Variants in ZRANB3 observed in about 807,000 individuals in gnomAD.
The protein encoded by ZRANB3 is zinc finger RANBP2-type containing 3.
Under a neutral mutation model 133.8 loss-of-function variants are expected in ZRANB3, and 125 were observed. That is an observed-to-expected ratio of 0.93 (90% CI 0.81 to 1.08). The LOEUF (loss-of-function observed/expected upper bound fraction) is 1.08, where lower values mean the gene tolerates loss of function less well. ZRANB3 is among the 50% of genes least tolerant of loss of function. The pLI, the probability that ZRANB3 is intolerant of heterozygous loss-of-function variation, is 0.00. For synonymous variants in ZRANB3, 387 were observed against 432.7 expected, an observed-to-expected ratio of 0.89 and a Z score of 1.31; for missense variants, 1,229 against 1,275.5, an observed-to-expected ratio of 0.96 and a Z score of 0.56.
intron 12 of ZRANB3, among the ~76,000 whole-genome samples, chr2:135,259,615 T>C: frequency 6.6e-6 from 1 of 151,934 alleles, no homozygotes; most frequent in East Asian, 1.9e-4. Context: ...ATGGGGTTTC[T>C]CCATATTGGT....
chr2:135,359,092 C>T (rs1685563043), intron 3 of ZRANB3, among the ~76,000 whole-genome samples: 1 of 152,034 alleles, frequency 6.6e-6, no homozygotes, highest in African/African-American at 2.4e-5. Flanking sequence ...TGGGTAGCAT[C>T]ATCAGCCTCG....
Position 135,473,987 on chromosome 2 carries a change from C to T in ZRANB3, c.161+30342G>A, listed in dbSNP as rs111664749. Among the ~76,000 whole-genome samples the T allele has an allele frequency of 3.0e-3, 452 of 152,198 alleles. 3 individuals are homozygous for T. The highest frequency in any genetic ancestry group is 0.01 in the African/African-American group (421 of 41,536). ...ATCAATTGATCTCAGGAGTTTGAGACCAGCCTGTGCAACACAGTGAAACCC... is the reference window on the plus strand; with the variant it reads ...ATCAATTGATCTCAGGAGTTTGAGATCAGCCTGTGCAACACAGTGAAACCC... On this transcript the variant is annotated intron_variant, in intron 2 of 20. Coordinates refer to ENST00000264159, the MANE Select transcript of ZRANB3 (RefSeq NM_032143.4).
intron 13 of ZRANB3, 146 bp from the exon 14 acceptor site, chr2:135,228,161 C>T: frequency 1.5e-6 from 1 of 666,448 alleles, no homozygotes; most frequent in South Asian, 2.2e-5. Flanking sequence ...TACTATATAC[C>T]CAGTACTATT....
intron 2 of ZRANB3, among the ~76,000 whole-genome samples, chr2:135,465,268 C>T (rs1403333866): frequency 1.3e-5 from 2 of 150,464 alleles, no homozygotes; most frequent in Non-Finnish European, 2.9e-5. Flanking sequence ...TAAACATTTC[C>T]CCCTTAACTC....
chr2:135,347,708 AT>A (rs1685007308), intron 5 of ZRANB3, among the ~76,000 whole-genome samples: 1 of 152,264 alleles, frequency 6.6e-6, no homozygotes, highest in African/African-American at 2.4e-5. Flanking sequence ...ATGACAACAT[AT>A]TCAGAAATAA....
chr2:135,292,788 G>C (rs139874763), intron 8 of ZRANB3, among the ~76,000 whole-genome samples: 1 of 152,154 alleles, frequency 6.6e-6, no homozygotes, highest in East Asian at 1.9e-4. Flanking sequence ...GTAAGGAAGG[G>C]ACCCACTTCC....
intron 3 of ZRANB3, among the ~76,000 whole-genome samples, chr2:135,372,165 C>CA (rs568486324): frequency 0.14 from 12,644 of 88,384 alleles, 858 homozygotes; most frequent in South Asian, 0.37. Flanking sequence ...GACTCTGTCT[C>CA]AAAAAAAAAA....
At chr2:135,476,591 T>C (rs975620187) in intron 2 of ZRANB3, among the ~76,000 whole-genome samples, 5 of 152,072 alleles carry the variant, frequency 3.3e-5, no homozygotes, top group African/African-American at 1.2e-4. Context: ...ACTTTGTACA[T>C]TTTCTTAATG....
chr2:135,224,318 A>C, intron 15 of ZRANB3, 108 bp downstream of exon 15: 1 of 855,648 alleles, frequency 1.2e-6, no homozygotes, highest in South Asian at 2.4e-5. Flanking sequence ...TTTGAGGAAA[A>C]TAACTAGATG....
At chr2:135,397,973 A>T (rs1409681795) in intron 2 of ZRANB3, among the ~76,000 whole-genome samples, 3 of 152,190 alleles carry the variant, frequency 2.0e-5, no homozygotes, top group Non-Finnish European at 4.4e-5. Flanking sequence ...TTTATGAACT[A>T]CATATCTTTG....
At chr2:135,445,058 T>C (rs2104997686) in intron 2 of ZRANB3, among the ~76,000 whole-genome samples, 1 of 152,264 alleles carries the variant, frequency 6.6e-6, no homozygotes, top group Non-Finnish European at 1.5e-5. Context: ...AATTATTACA[T>C]GGAATTTTGC....
At chr2:135,510,991 G>C in intron 1 of ZRANB3, 1 of 785,936 alleles carries the variant, frequency 1.3e-6, no homozygotes, top group Non-Finnish European at 2.4e-6. Context: ...TCACAGATCG[G>C]TCTGGGTCCC....
At chr2:135,274,530 C>A (rs1433663482) in intron 9 of ZRANB3, among the ~76,000 whole-genome samples, 3 of 152,118 alleles carry the variant, frequency 2.0e-5, no homozygotes, top group Admixed American at 2.0e-4. Context: ...AACGGTATAT[C>A]CAGGAACAAA....
chr2:135,402,295 CTTTTT>C (rs374450905), intron 2 of ZRANB3, among the ~76,000 whole-genome samples: 1 of 133,866 alleles, frequency 7.5e-6, no homozygotes. Context: ...TTCTTTCTCT[CTTTTT>C]TTTTTTTTTT....
At chr2:135,281,410 A>C (rs1262901257) in intron 8 of ZRANB3, among the ~76,000 whole-genome samples, 1 of 151,960 alleles carries the variant, frequency 6.6e-6, no homozygotes, top group African/African-American at 2.4e-5. Flanking sequence ...GATTGGTCTA[A>C]GCAAACCTAG....
At position 135,200,194 on chromosome 2, in the gene ZRANB3, C is replaced by A; in HGVS notation, c.*148G>T. ...AAGTACTTTCAAAATGTATTTAATA[C>A]TAAAAGTAATTAGTAGAAGAGAATT... On this transcript the variant is annotated 3_prime_UTR_variant, in exon 21 of 21. Coordinates refer to ENST00000264159, the MANE Select transcript of ZRANB3 (RefSeq NM_032143.4). 1.4e-6 allele frequency: 1 copy of A among 691,462 alleles called. No homozygotes were observed. 42.8% of individuals were successfully genotyped at this position (691,462 alleles called of 1,614,324 possible).
intron 1 of ZRANB3, chr2:135,512,001 T>C: frequency 3.0e-6 from 2 of 661,356 alleles, no homozygotes; most frequent in South Asian, 1.7e-5. Context: ...CCTGTGCGGC[T>C]GAGCTGGAGA....
At chr2:135,288,519 T>C (rs1681512274) in intron 8 of ZRANB3, among the ~76,000 whole-genome samples, 1 of 152,212 alleles carries the variant, frequency 6.6e-6, no homozygotes, top group Non-Finnish European at 1.5e-5. Flanking sequence ...AATTCAGTTG[T>C]GAATCCATCT....
chr2:135,501,111 A>G (rs1365493610), intron 2 of ZRANB3, among the ~76,000 whole-genome samples: 2 of 152,220 alleles, frequency 1.3e-5, no homozygotes, highest in Non-Finnish European at 2.9e-5. Flanking sequence ...GTGAAACTAC[A>G]GAACTCCAAA....
Sources: allele counts gnomAD v4.1 joint callset (sites outside exome capture counted in the v4.1 genomes callset), GRCh38; gene constraint gnomAD v4.1.1; transcripts MANE v1.5; gene names NCBI Gene and HGNC (gene_info 2026-07-23, HGNC 2026-07-21).